Variants in SLC8A1 observed in about 807,000 individuals in gnomAD.
SLC8A1 encodes the protein solute carrier family 8 member A1, also known as sodium/calcium exchanger 1.
A neutral mutation model predicts 68.3 loss-of-function variants in SLC8A1; 18 were observed. That is an observed-to-expected ratio of 0.26 (90% confidence interval 0.18 to 0.39). The LOEUF (loss-of-function observed/expected upper bound fraction) is 0.39. Among genes scored for constraint, SLC8A1 ranks in the 10% least tolerant of loss-of-function variants. The pLI is 1.00. For synonymous variants in SLC8A1, 475 were observed against 415.5 expected (o/e 1.14, Z -1.74); for missense variants, 985 against 1,156.7 (o/e 0.85, Z 2.15).
At chr2:40,174,227 A>C (rs1055719460) in intron 4 of SLC8A1, among the ~76,000 whole-genome samples, 4 of 152,054 alleles carry the variant, frequency 2.6e-5, no homozygotes. Context: ...ATATATTTAC[A>C]TACATAATTT....
At chr2:40,454,160 C>T (rs1261189221), upstream of SLC8A1, among the ~76,000 whole-genome samples, 4 of 152,108 alleles carry the variant, frequency 2.6e-5, no homozygotes, top group Non-Finnish European at 4.4e-5. Flanking sequence ...TTGGCTCACA[C>T]TCAATGAAAG....
At chr2:40,227,989 G>C (rs1173028144) in intron 2 of SLC8A1, among the ~76,000 whole-genome samples, 2 of 152,152 alleles carry the variant, frequency 1.3e-5, no homozygotes, top group Non-Finnish European at 2.9e-5. Context: ...GCTGATGAAT[G>C]AATACCCACA....
intron 2 of SLC8A1, among the ~76,000 whole-genome samples, chr2:40,329,305 C>A (rs1306002709): frequency 6.6e-6 from 1 of 152,158 alleles, no homozygotes; most frequent in Non-Finnish European, 1.5e-5. Flanking sequence ...TATTAACTTC[C>A]TGTATTTTAC....
chr2:40,317,638 GCTT>G (rs2074645536), intron 2 of SLC8A1, among the ~76,000 whole-genome samples: 1 of 151,884 alleles, frequency 6.6e-6, no homozygotes, highest in African/African-American at 2.4e-5. Flanking sequence ...ACTGCATTGT[GCTT>G]TTTTTTAAAG....
intron 2 of SLC8A1, among the ~76,000 whole-genome samples, chr2:40,262,949 A>G (rs949386337): frequency 6.6e-6 from 1 of 152,242 alleles, no homozygotes; most frequent in Non-Finnish European, 1.5e-5. Flanking sequence ...TACAGTAACA[A>G]TGTCCTTAGC....
intron 1 of SLC8A1, among the ~76,000 whole-genome samples, chr2:40,441,279 G>A (rs148550672): frequency 6.6e-5 from 10 of 151,852 alleles, no homozygotes; most frequent in Admixed American, 5.3e-4. Context: ...AATAAGGGAG[G>A]ACAGAAATGG....
chr2:40,297,482 A>T (rs1559137282), intron 2 of SLC8A1, among the ~76,000 whole-genome samples: 1 of 152,154 alleles, frequency 6.6e-6, no homozygotes, highest in African/African-American at 2.4e-5. Context: ...ACGATGACCC[A>T]TTTTTTGTAA....
At chr2:40,389,662 T>C (rs567154504) in intron 2 of SLC8A1, among the ~76,000 whole-genome samples, 50 of 152,028 alleles carry the variant, frequency 3.3e-4, no homozygotes, top group African/African-American at 1.2e-3. Flanking sequence ...TTACTGCCTT[T>C]CCAATTCCCA....
At chr2:40,389,956 A>C (rs942916220) in intron 2 of SLC8A1, among the ~76,000 whole-genome samples, 1 of 151,900 alleles carries the variant, frequency 6.6e-6, no homozygotes, top group African/African-American at 2.4e-5. Context: ...ATACACACAC[A>C]GTGAATCTGG....
At chr2:40,424,923 T>G (rs1188486642) in intron 2 of SLC8A1, among the ~76,000 whole-genome samples, 1 of 151,860 alleles carries the variant, frequency 6.6e-6, no homozygotes, top group Non-Finnish European at 1.5e-5. Context: ...AAACAATATT[T>G]TGTAATAATT....
At chr2:40,389,564 C>T (rs559263176) in intron 2 of SLC8A1, among the ~76,000 whole-genome samples, 77 of 152,090 alleles carry the variant, frequency 5.1e-4, no homozygotes, top group African/African-American at 1.8e-3. Flanking sequence ...AAGTCTACCA[C>T]TTAGACTACT....
chr2:40,167,859 T>C (rs1261271623), intron 4 of SLC8A1, among the ~76,000 whole-genome samples: 1 of 152,226 alleles, frequency 6.6e-6, no homozygotes, highest in East Asian at 1.9e-4. Flanking sequence ...ATTTTTTAAT[T>C]ATCTTTACAT....
At chr2:40,287,131 A>G (rs2068450875) in intron 2 of SLC8A1, among the ~76,000 whole-genome samples, 1 of 152,196 alleles carries the variant, frequency 6.6e-6, no homozygotes, top group Non-Finnish European at 1.5e-5. Flanking sequence ...AGAGAACACT[A>G]AAAAAATATG....
intron 6 of SLC8A1, among the ~76,000 whole-genome samples, chr2:40,152,156 A>G (rs423177): frequency 0.79 from 119,668 of 152,132 alleles, 48,173 homozygotes; most frequent in East Asian, 0.99. Flanking sequence ...CTTTCTTTTT[A>G]TTAATAAAAA....
At chr2:40,260,419 CT>C (rs1354353069) in intron 2 of SLC8A1, among the ~76,000 whole-genome samples, 1 of 152,080 alleles carries the variant, frequency 6.6e-6, no homozygotes, top group Non-Finnish European at 1.5e-5. Flanking sequence ...CTTTTAATAC[CT>C]TTTTTTCCCA....
At chr2:40,497,261 C>T (rs1329533384) in intron 1 of SLC8A1, among the ~76,000 whole-genome samples, 1 of 151,960 alleles carries the variant, frequency 6.6e-6, no homozygotes, top group Non-Finnish European at 1.5e-5. Flanking sequence ...AGTTTCTCAT[C>T]CAATGAGATT....
intron 2 of SLC8A1, chr2:40,177,982 A>G (rs549197142): frequency 3.0e-5 from 20 of 661,362 alleles, no homozygotes; most frequent in Non-Finnish European, 4.9e-5. Context: ...GGCCTCCTGA[A>G]GTATGTAAAA....
In SLC8A1 at chr2:40,396,747, CTAAAAAAAAA is replaced by C. The variant is rs1444561361; in HGVS notation, c.1808+31716_1808+31725del. 7.2e-4 allele frequency among the ~76,000 whole-genome samples: 17 copies of C among 23,490 alleles called. No homozygotes were observed. The East Asian group carries it at 0.029, about 40-fold the overall frequency. The allele number at this position is 23,490 out of a possible 152,430, so 15.4% of individuals were successfully genotyped here. A position where few individuals can be genotyped will look rare whatever the true frequency, so the allele number is the denominator to read the frequency against. On this transcript the variant is annotated intron_variant, in intron 2 of 7. Coordinates refer to ENST00000406785, the Ensembl canonical transcript of SLC8A1. The stretch of plus-strand genomic sequence containing the variant: ...TTTTAACCTCCATCATCTCTAATAA[CTAAAAAAAAA>C]AAAAAAAAAAAAAAAAAAAACAAGA...
chr2:40,419,368 C>T (rs908670376), intron 2 of SLC8A1, among the ~76,000 whole-genome samples: 3 of 152,136 alleles, frequency 2.0e-5, no homozygotes, highest in East Asian at 1.9e-4. Context: ...CTTCTGTTTG[C>T]GTGAGCAAGA....
Sources: allele counts gnomAD v4.1 joint callset (sites outside exome capture counted in the v4.1 genomes callset), GRCh38; gene constraint gnomAD v4.1.1; transcripts MANE v1.5; gene names NCBI Gene and HGNC (gene_info 2026-07-23, HGNC 2026-07-21).